Variants in KCNH5 observed in about 807,000 individuals in gnomAD.
KCNH5 encodes potassium voltage-gated channel subfamily H member 5.
A neutral mutation model predicts 96.1 loss-of-function variants in KCNH5; 46 were observed. The observed-to-expected ratio is 0.48, with a 90% confidence interval of 0.38 to 0.61. KCNH5 has a LOEUF of 0.61. Among genes scored for constraint, KCNH5 ranks in the 20% least tolerant of loss-of-function variants. KCNH5 has a pLI of 0.00. For synonymous variants in KCNH5, 439 were observed against 449.8 expected, an observed-to-expected ratio of 0.98 and a Z score of 0.30; for missense variants, 907 against 1,225.8, an observed-to-expected ratio of 0.74 and a Z score of 3.88.
chr14:62,722,159 A>G (rs767997372), intron 10 of KCNH5, among the ~76,000 whole-genome samples: 4 of 152,154 alleles, frequency 2.6e-5, no homozygotes, highest in Non-Finnish European at 4.4e-5. Context: ...CCTCACCCTC[A>G]TGTTCTGCTG....
intron 7 of KCNH5, among the ~76,000 whole-genome samples, chr14:62,912,702 G>A (rs751246023): frequency 1.8e-4 from 27 of 152,204 alleles, no homozygotes; most frequent in Non-Finnish European, 2.1e-4. Flanking sequence ...CACCGTACCT[G>A]GCCATCTAGA....
At chr14:62,938,316 C>T (rs1212492398) in intron 7 of KCNH5, among the ~76,000 whole-genome samples, 1 of 152,206 alleles carries the variant, frequency 6.6e-6, no homozygotes, top group Non-Finnish European at 1.5e-5. Flanking sequence ...CTTACCTACA[C>T]ACTCAGCCTA....
At chr14:62,917,858 C>T (rs1348666687) in intron 7 of KCNH5, among the ~76,000 whole-genome samples, 2 of 152,152 alleles carry the variant, frequency 1.3e-5, no homozygotes, top group African/African-American at 4.8e-5. Flanking sequence ...AAAGACTGAA[C>T]TGGAATCCGA....
chr14:62,827,645 C>A (rs929931986), intron 8 of KCNH5, among the ~76,000 whole-genome samples: 1 of 152,086 alleles, frequency 6.6e-6, no homozygotes, highest in African/African-American at 2.4e-5. Flanking sequence ...CTGTTGTCAA[C>A]TTTGTCATTT....
At chr14:62,853,693 C>T (rs1170024001) in intron 7 of KCNH5, among the ~76,000 whole-genome samples, 1 of 151,518 alleles carries the variant, frequency 6.6e-6, no homozygotes, top group African/African-American at 2.4e-5. Flanking sequence ...TGTTTCCGCT[C>T]CTCATTCAGG....
At chr14:63,030,984 T>A (rs1284929870) in intron 1 of KCNH5, among the ~76,000 whole-genome samples, 1 of 152,112 alleles carries the variant, frequency 6.6e-6, no homozygotes, top group Non-Finnish European at 1.5e-5. Flanking sequence ...ACCCCAGACC[T>A]TCTGAGTTAG....
intron 7 of KCNH5, among the ~76,000 whole-genome samples, chr14:62,870,784 TA>T (rs546037823): frequency 2.6e-5 from 4 of 152,076 alleles, no homozygotes; most frequent in East Asian, 1.9e-4. Flanking sequence ...CACTTAACCT[TA>T]AAAAAAACTC....
chr14:62,727,552 T>C (rs947525769), intron 10 of KCNH5, among the ~76,000 whole-genome samples: 1 of 152,158 alleles, frequency 6.6e-6, no homozygotes, highest in African/African-American at 2.4e-5. Context: ...CATTTCTATA[T>C]ATGAGGTATA....
chr14:62,925,275 C>T (rs1012552717), intron 7 of KCNH5, among the ~76,000 whole-genome samples: 18 of 151,946 alleles, frequency 1.2e-4, no homozygotes, highest in African/African-American at 3.6e-4. Context: ...CACTTCAACA[C>T]TAATTAAAGC....
chr14:62,951,700 C>T (rs1288507427), intron 6 of KCNH5, among the ~76,000 whole-genome samples: 2 of 152,150 alleles, frequency 1.3e-5, no homozygotes, highest in East Asian at 3.8e-4. Flanking sequence ...GTGGCTCATG[C>T]CTGTAATCCC....
At chr14:62,749,774 G>A (rs564826613) in intron 10 of KCNH5, among the ~76,000 whole-genome samples, 18 of 152,278 alleles carry the variant, frequency 1.2e-4, no homozygotes, top group African/African-American at 2.4e-4. Flanking sequence ...TCTTGGCACC[G>A]TTTAGCAAGA....
intron 7 of KCNH5, among the ~76,000 whole-genome samples, chr14:62,855,799 G>C (rs569474906): frequency 6.6e-6 from 1 of 152,210 alleles, no homozygotes; most frequent in East Asian, 1.9e-4. Flanking sequence ...AGACAGGTCA[G>C]AAGATTGAAC....
At chr14:63,016,135 G>A (rs1891322591) in intron 2 of KCNH5, among the ~76,000 whole-genome samples, 1 of 151,458 alleles carries the variant, frequency 6.6e-6, no homozygotes, top group African/African-American at 2.4e-5. Flanking sequence ...GAGCTTTAAA[G>A]AAAAATTAAC....
At chr14:62,902,843 C>T (rs1268766994) in intron 7 of KCNH5, among the ~76,000 whole-genome samples, 1 of 151,952 alleles carries the variant, frequency 6.6e-6, no homozygotes, top group Non-Finnish European at 1.5e-5. Flanking sequence ...CCTCAGCCTC[C>T]CGAGTAGCTG....
At chr14:62,890,698 CAAAAAAA>C (rs1277209731) in intron 7 of KCNH5, among the ~76,000 whole-genome samples, 1 of 55,908 alleles carries the variant, frequency 1.8e-5, no homozygotes, top group Non-Finnish European at 3.7e-5. Flanking sequence ...GACTCCGTCT[CAAAAAAA>C]AAAAAAAAAA....
chr14:63,009,064 G>A (rs966546303), intron 2 of KCNH5, among the ~76,000 whole-genome samples: 7 of 152,052 alleles, frequency 4.6e-5, no homozygotes, highest in South Asian at 2.1e-4. Flanking sequence ...ATTTCACACT[G>A]CTACTAAATG....
intron 7 of KCNH5, among the ~76,000 whole-genome samples, chr14:62,852,891 T>G (rs1887835989): frequency 6.6e-6 from 1 of 152,136 alleles, no homozygotes; most frequent in Non-Finnish European, 1.5e-5. Flanking sequence ...GAAACTGATC[T>G]CAGTAGAAGC....
rs534377006 is a variant in KCNH5, at chr14:62,996,983, T to G, written c.433+4348A>C. ...AATCAGATGCCAATTATTTCTCTTT[T>G]GTTTAAAAATATATAACTTTAAGAT... On this transcript the variant is annotated intron_variant, in intron 4 of 10. Coordinates refer to ENST00000322893, the MANE Select transcript of KCNH5 (RefSeq NM_139318.5). Among the ~76,000 whole-genome samples, 28 of 152,372 alleles carry G rather than the reference T, an allele frequency of 1.8e-4. No homozygotes were observed. The South Asian group carries it at 5.8e-3, about 32-fold the overall frequency.
intron 7 of KCNH5, among the ~76,000 whole-genome samples, chr14:62,861,324 C>T (rs573458673): frequency 6.6e-6 from 1 of 151,246 alleles, no homozygotes; most frequent in Admixed American, 6.6e-5. Context: ...GGCTGGAGTG[C>T]AGTGACGTAA....
Sources: gnomAD v4.1 joint callset for allele counts (sites outside exome capture counted in the v4.1 genomes callset) on GRCh38, gnomAD v4.1.1 for gene constraint, MANE v1.5 for transcripts, NCBI Gene and HGNC (gene_info 2026-07-23, HGNC 2026-07-21) for gene names.